The following CPQ variants were observed in gnomAD, a reference collection of about 807,000 sequenced individuals.
CPQ encodes the protein carboxypeptidase Q.
CPQ carries 37 observed loss-of-function variants against 45.7 expected under a neutral mutation model. The observed-to-expected ratio is 0.81, with a 90% CI of 0.62 to 1.07. CPQ has a LOEUF of 1.07. Among genes scored for constraint, CPQ ranks in the 50% least tolerant of loss-of-function variants. CPQ has a pLI of 0.00. For synonymous variants in CPQ, 186 were observed against 205.8 expected (o/e 0.90, Z 0.82); for missense variants, 537 against 572.9 (o/e 0.94, Z 0.64).
intron 1 of CPQ, among the ~76,000 whole-genome samples, chr8:96,722,453 G>A (rs112416443): frequency 0.024 from 3,641 of 151,916 alleles, 158 homozygotes; most frequent in African/African-American, 0.083. Context: ...ATCTATGGCT[G>A]CTTTTGAACT....
intron 4 of CPQ, among the ~76,000 whole-genome samples, chr8:96,919,816 T>G (rs6983702): frequency 0.82 from 124,074 of 152,100 alleles, 51,018 homozygotes; most frequent in Non-Finnish European, 0.84. Context: ...AATCACTTTA[T>G]CAGTGAAATT....
At chr8:96,813,084 C>T (rs960402767) in intron 2 of CPQ, among the ~76,000 whole-genome samples, 3 of 152,062 alleles carry the variant, frequency 2.0e-5, no homozygotes, top group Non-Finnish European at 2.9e-5. Flanking sequence ...CCCCCTTTCC[C>T]GCAGTGACAA....
chr8:96,708,984 T>C (rs1467100674), intron 1 of CPQ, among the ~76,000 whole-genome samples: 1 of 152,158 alleles, frequency 6.6e-6, no homozygotes, highest in African/African-American at 2.4e-5. Context: ...AGAATTTAAT[T>C]TTTTTATAGT....
chr8:96,845,125 G>A (rs1003261060), intron 3 of CPQ, among the ~76,000 whole-genome samples: 6 of 152,146 alleles, frequency 3.9e-5, no homozygotes, highest in African/African-American at 1.4e-4. Context: ...TAACTGAAAG[G>A]TTCTTTTTGT....
Position 96,802,973 on chromosome 8 carries a change from C to CA in CPQ, c.433+17647dup, listed in dbSNP as rs1811025761. Among the ~76,000 whole-genome samples the CA allele has an allele frequency of 4.0e-5, 6 of 149,796 alleles. No homozygotes were observed. The South Asian group carries it at 1.3e-3, about 32-fold the overall frequency. ...TCATCCTTGTATTAATCAAGGTTCT[C>CA]AAAAGAAACAGAAGCATACACACAC... On this transcript the variant is annotated intron_variant, in intron 2 of 7. Coordinates refer to ENST00000220763, the MANE Select transcript of CPQ (RefSeq NM_016134.4).
At chr8:96,645,726 C>G (rs1035459418) in intron 1 of CPQ, among the ~76,000 whole-genome samples, 7 of 151,982 alleles carry the variant, frequency 4.6e-5, no homozygotes, top group African/African-American at 1.7e-4. Context: ...GTTTCACTTC[C>G]CCTCAGCTCC....
intron 3 of CPQ, among the ~76,000 whole-genome samples, chr8:96,867,509 G>T (rs373987108): frequency 6.6e-6 from 1 of 151,824 alleles, no homozygotes; most frequent in Admixed American, 6.6e-5. Context: ...ATGTTATATA[G>T]GTTGATGTTA....
At chr8:96,851,262 GTC>G (rs1448132015) in intron 3 of CPQ, among the ~76,000 whole-genome samples, 1 of 152,204 alleles carries the variant, frequency 6.6e-6, no homozygotes, top group African/African-American at 2.4e-5. Context: ...ACGTAGGTAA[GTC>G]TCTTTGTAAG....
intron 6 of CPQ, among the ~76,000 whole-genome samples, chr8:97,033,160 C>T (rs530081174): frequency 3.2e-4 from 35 of 109,948 alleles, no homozygotes; most frequent in Non-Finnish European, 5.8e-4. Context: ...ACTTTTATGG[C>T]GGGGGTGGGG....
At position 96,902,953 on chromosome 8, in the gene CPQ, C is replaced by A. The variant is rs776676517; in HGVS notation, c.849+22948C>A. On this transcript the variant is annotated intron_variant, in intron 4 of 7. Coordinates refer to ENST00000220763, the MANE Select transcript of CPQ (RefSeq NM_016134.4). ...TTCTTTCCCTTGTCAAGTGGACACA[C>A]CAGCAAAGGACCTGTTGCGTCTCTT... 3.9e-5 allele frequency among the ~76,000 whole-genome samples: 6 copies of A among 152,292 alleles called. No individual in the cohort carries two copies. The South Asian group carries it at 1.2e-3, about 32-fold the overall frequency.
intron 7 of CPQ, among the ~76,000 whole-genome samples, chr8:97,082,890 C>G (rs138745424): frequency 6.6e-6 from 1 of 152,300 alleles, no homozygotes; most frequent in Non-Finnish European, 1.5e-5. Context: ...TACAGCTACT[C>G]TAACGTGTAT....
At chr8:96,975,429 T>C (rs1813758685) in intron 5 of CPQ, among the ~76,000 whole-genome samples, 1 of 151,994 alleles carries the variant, frequency 6.6e-6, no homozygotes, top group Non-Finnish European at 1.5e-5. Flanking sequence ...GTACCAATTC[T>C]ACTATTTCAA....
At chr8:96,763,210 T>C (rs954433610) in intron 1 of CPQ, among the ~76,000 whole-genome samples, 6 of 152,202 alleles carry the variant, frequency 3.9e-5, no homozygotes, top group African/African-American at 1.4e-4. Context: ...AATGCAGTCA[T>C]ATTCTGAGGT....
chr8:96,871,541 T>G (rs976908714), intron 3 of CPQ, among the ~76,000 whole-genome samples: 42 of 150,676 alleles, frequency 2.8e-4, no homozygotes, highest in African/African-American at 8.5e-4. Context: ...GTTTTTTTTT[T>G]TTTTTTTTTT....
chr8:96,936,714 A>C (rs1813055169), intron 4 of CPQ, among the ~76,000 whole-genome samples: 1 of 152,200 alleles, frequency 6.6e-6, no homozygotes, highest in African/African-American at 2.4e-5. Flanking sequence ...AAGTTTGAAA[A>C]ACAAAGTTTT....
intron 4 of CPQ, among the ~76,000 whole-genome samples, chr8:96,925,632 CT>C (rs1812862733): frequency 6.6e-6 from 1 of 151,932 alleles, no homozygotes; most frequent in Admixed American, 6.6e-5. Flanking sequence ...ATCTGCCCGC[CT>C]TGGCCTCCCA....
intron 3 of CPQ, among the ~76,000 whole-genome samples, chr8:96,846,513 C>A (rs1375300307): frequency 2.6e-5 from 4 of 152,144 alleles, no homozygotes; most frequent in South Asian, 2.1e-4. Context: ...AATTTATCCA[C>A]TTTTAGTTGC....
chr8:96,880,752 G>C (rs1008128708), intron 4 of CPQ, among the ~76,000 whole-genome samples: 1 of 151,548 alleles, frequency 6.6e-6, no homozygotes, highest in African/African-American at 2.4e-5. Flanking sequence ...AATACTGGAA[G>C]AATAGGCAAT....
At position 96,784,909 on chromosome 8, in the gene CPQ, T is replaced by C; in HGVS notation, c.12T>C (p.Leu4=). Residue 4 remains leucine (L), a synonymous_variant, in exon 2 of 8, where the codon CTT becomes CTC. Coordinates refer to ENST00000220763, the MANE Select transcript of CPQ (RefSeq NM_016134.4). ...AACTGGAAAAAAAAATGAAATTCCT[T>C]ATCTTCGCATTTTTCGGTGGTGTTC... MKF[L]IFAFFGGVHL... The C allele has an allele frequency of 6.3e-7, 1 of 1,596,670 alleles. No individual in the cohort carries two copies. The highest frequency in any genetic ancestry group is 1.7e-4 in the Middle Eastern group (1 of 5,910).
Sources: allele counts gnomAD v4.1 joint callset (sites outside exome capture counted in the v4.1 genomes callset), GRCh38; gene constraint gnomAD v4.1.1; transcripts MANE v1.5; gene names NCBI Gene and HGNC (gene_info 2026-07-23, HGNC 2026-07-21).